Variants in CMIP observed in about 807,000 individuals in gnomAD.
The protein encoded by CMIP is C-Maf-inducing protein.
A neutral mutation model predicts 97.3 loss-of-function variants in CMIP; 13 were observed. The ratio of observed to expected loss-of-function variants is 0.13; its 90% CI spans 0.09 to 0.21. The LOEUF (loss-of-function observed/expected upper bound fraction) is 0.21. CMIP is among the 10% of genes least tolerant of loss of function. The pLI, the probability that CMIP is intolerant of heterozygous loss-of-function variation, is 1.00. For missense variants in CMIP, 847 were observed against 1,024.9 expected, an observed-to-expected ratio of 0.83 and a Z score of 2.37; for synonymous variants, 538 against 436.3, an observed-to-expected ratio of 1.23 and a Z score of -2.91.
At chr16:81,586,082 C>T (rs1407899356) in intron 1 of CMIP, among the ~76,000 whole-genome samples, 1 of 137,420 alleles carries the variant, frequency 7.3e-6, no homozygotes. Flanking sequence ...ATGTTGTCAT[C>T]TGTTTGTGCT....
intron 2 of CMIP, chr16:81,610,594 C>A: frequency 1.1e-6 from 1 of 949,122 alleles, no homozygotes; most frequent in Non-Finnish European, 1.3e-6. Context: ...GCTGCCATTT[C>A]CGTCAGGGGA....
rs2090673154 is a variant in CMIP at position 81,552,215 on chromosome 16, T to G, written c.301-55352T>G. ...GTGGAAGGAAGCCAGAACTCTGTGC[T>G]CATTGGTAGTTGTCTGCCTGTCTCT... On this transcript the variant is annotated intron_variant, in intron 1 of 20. Coordinates refer to ENST00000537098, the MANE Select transcript of CMIP (RefSeq NM_198390.3). Among the ~76,000 whole-genome samples, 3 of 152,196 alleles carry G rather than the reference T, an allele frequency of 2.0e-5. 1 individual carries two copies. Among genetic ancestry groups the G allele is most frequent in the African/African-American group, 7.2e-5 (3 of 41,440 alleles).
Position 81,711,430 on chromosome 16 carries a change from G to C in CMIP, c.*1631G>C, listed in dbSNP as rs1264834801. ...CAGTCTTAATTCATTTTCCGTGCCAGGTTTTATTTCGTGTGTGTGTGAGTG... is the reference window on the plus strand; with the variant it reads ...CAGTCTTAATTCATTTTCCGTGCCACGTTTTATTTCGTGTGTGTGTGAGTG... On this transcript the variant is annotated 3_prime_UTR_variant, in exon 21 of 21. Coordinates refer to ENST00000537098, the MANE Select transcript of CMIP (RefSeq NM_198390.3). The C allele has an allele frequency of 2.0e-5, 3 of 151,926 alleles. No individual in the cohort carries two copies. The highest frequency in any genetic ancestry group is 7.3e-5 in the African/African-American group (3 of 41,314). The allele number at this position is 151,926 out of a possible 1,614,324, so 9.4% of individuals were successfully genotyped here.
intron 1 of CMIP, among the ~76,000 whole-genome samples, chr16:81,511,792 G>C (rs567897482): frequency 7.9e-5 from 12 of 152,176 alleles, no homozygotes; most frequent in Middle Eastern, 3.4e-3. Context: ...GAACTCCTGG[G>C]CTCAAGTGAT....
intron 1 of CMIP, chr16:81,495,405 G>A: frequency 6.4e-7 from 1 of 1,570,604 alleles, no homozygotes; most frequent in Non-Finnish European, 8.6e-7. Flanking sequence ...AACAAACCAA[G>A]CCGGCCGGGC....
At chr16:81,619,186 T>G (rs937619043) in intron 2 of CMIP, 1 of 152,250 alleles carries the variant, frequency 6.6e-6, no homozygotes, top group Non-Finnish European at 1.5e-5. Flanking sequence ...CTGCCTGCTT[T>G]GCACTTGGGT....
At chr16:81,654,511 G>C (rs1378690758) in intron 4 of CMIP, among the ~76,000 whole-genome samples, 1 of 152,190 alleles carries the variant, frequency 6.6e-6, no homozygotes, top group Non-Finnish European at 1.5e-5. Flanking sequence ...TGAAGCTACT[G>C]TGTCAGGCAA....
rs1037673296 is a variant in CMIP at position 81,651,446 on chromosome 16, T to G, written c.478-757T>G. 3 of 946,720 alleles carry G rather than the reference T, an allele frequency of 3.2e-6. No homozygotes were observed. In the African/African-American group the frequency reaches 5.3e-5, roughly 17 times the overall value. 58.6% of individuals were successfully genotyped at this position (946,720 alleles called of 1,614,324 possible). ...AGCAAAGGTGAGAGCACTCTTGTCT[T>G]CCTCACCAGGTGGATGCGGAGGGCA... On this transcript the variant is annotated intron_variant, in intron 3 of 20. Coordinates refer to ENST00000537098, the MANE Select transcript of CMIP (RefSeq NM_198390.3).
intron 7 of CMIP, 72 bp from the exon 8 acceptor site, chr16:81,670,069 TG>T: frequency 7.0e-7 from 1 of 1,430,160 alleles, no homozygotes; most frequent in Non-Finnish European, 9.6e-7. Flanking sequence ...CCCTTCTTTC[TG>T]GTGTCCTGGC....
At chr16:81,564,369 A>T (rs997920774) in intron 1 of CMIP, among the ~76,000 whole-genome samples, 8 of 152,242 alleles carry the variant, frequency 5.3e-5, no homozygotes, top group Admixed American at 5.2e-4. Context: ...ATTTAAAAGT[A>T]CATATGTGTC....
chr16:81,543,353 A>G (rs972512708), intron 1 of CMIP, among the ~76,000 whole-genome samples: 1 of 152,130 alleles, frequency 6.6e-6, no homozygotes, highest in East Asian at 1.9e-4. Context: ...TCCCGTGAGA[A>G]CATTCAGAAA....
At chr16:81,633,102 C>G (rs2092186865) in intron 3 of CMIP, among the ~76,000 whole-genome samples, 2 of 152,238 alleles carry the variant, frequency 1.3e-5, no homozygotes, top group South Asian at 4.1e-4. Context: ...TGTGGGTGAA[C>G]TTGTTTTTTG....
chr16:81,559,104 C>A (rs1300624287), intron 1 of CMIP, among the ~76,000 whole-genome samples: 1 of 152,236 alleles, frequency 6.6e-6, no homozygotes, highest in Non-Finnish European at 1.5e-5. Flanking sequence ...CTGTGTGCGG[C>A]TTCCAGCTTG....
chr16:81,664,581 C>A, intron 7 of CMIP: 1 of 577,554 alleles, frequency 1.7e-6, no homozygotes, highest in Non-Finnish European at 3.1e-6. Flanking sequence ...ACAAAAATAC[C>A]GCAGCTGGAG....
chr16:81,537,895 T>C (rs911987848), intron 1 of CMIP, among the ~76,000 whole-genome samples: 1 of 151,336 alleles, frequency 6.6e-6, no homozygotes, highest in East Asian at 2.0e-4. Context: ...GCTGAAGGTG[T>C]CGGGGAACTC....
At position 81,710,034 on chromosome 16, in the gene CMIP, A is replaced by G. The variant is rs1292292819; in HGVS notation, c.*235A>G. 2.4e-5 allele frequency: 5 copies of G among 210,540 alleles called. No individual in the cohort carries two copies. Among genetic ancestry groups the G allele is most frequent in the Middle Eastern group, 4.9e-3 (2 of 408 alleles). 13.0% of individuals were successfully genotyped at this position (210,540 alleles called of 1,614,324 possible). ...GAACCTTTGACCTGATCTAAAGTGG[A>G]CTTTGTAGCAACAAGAGGAGCATCA... On this transcript the variant is annotated 3_prime_UTR_variant, in exon 21 of 21. Transcript: ENST00000537098.
chr16:81,523,226 ATG>A (rs1295184680), intron 1 of CMIP, among the ~76,000 whole-genome samples: 1 of 152,188 alleles, frequency 6.6e-6, no homozygotes, highest in African/African-American at 2.4e-5. Flanking sequence ...TGCTTTGTGT[ATG>A]TTTTTAAAGT....
intron 1 of CMIP, among the ~76,000 whole-genome samples, chr16:81,587,165 A>T (rs1429702288): frequency 1.3e-5 from 2 of 152,194 alleles, no homozygotes; most frequent in Non-Finnish European, 2.9e-5. Context: ...TTTATACAGG[A>T]GAAAGGGAAC....
intron 3 of CMIP, among the ~76,000 whole-genome samples, chr16:81,634,199 G>A (rs1259679444): frequency 1.3e-5 from 2 of 152,250 alleles, no homozygotes; most frequent in East Asian, 1.9e-4. Flanking sequence ...AACCACTGCA[G>A]TAGTGTGAAG....
Sources: allele counts gnomAD v4.1 joint callset (sites outside exome capture counted in the v4.1 genomes callset), GRCh38; gene constraint gnomAD v4.1.1; transcripts MANE v1.5; gene names NCBI Gene and HGNC (gene_info 2026-07-23, HGNC 2026-07-21).